Variants in EIF2A observed in about 807,000 individuals in gnomAD.
The protein encoded by EIF2A is 65 kDa eukaryotic translation initiation factor 2A.
In EIF2A, 62 loss-of-function variants were observed where a neutral mutation model predicts 75.2. The ratio of observed to expected loss-of-function variants is 0.82; its 90% confidence interval spans 0.67 to 1.02. The LOEUF (loss-of-function observed/expected upper bound fraction) is 1.02. Ranked by LOEUF, EIF2A falls within the 50% of genes least tolerant of loss-of-function variation. The pLI, the probability that EIF2A is intolerant of heterozygous loss-of-function variation, is 0.00. For synonymous variants in EIF2A, 207 were observed against 239.0 expected (o/e 0.87, Z 1.23); for missense variants, 611 against 677.7 (o/e 0.90, Z 1.09).
intron 2 of EIF2A, among the ~76,000 whole-genome samples, chr3:150,555,478 G>A (rs895664461): frequency 6.8e-5 from 10 of 147,430 alleles, no homozygotes; most frequent in South Asian, 4.4e-4. Context: ...GGCTGGTCTC[G>A]AACTTCTGAC....
chr3:150,567,703 A>T lies in EIF2A; in HGVS notation c.486A>T (p.Ala162=). 1 of 1,543,868 alleles carries T rather than the reference A, an allele frequency of 6.5e-7. No homozygotes were observed. The change falls in exon 7 of 14, where the codon GCA becomes GCT. Residue 162 remains alanine, a synonymous_variant. Coordinates refer to ENST00000460851, the MANE Select transcript of EIF2A (RefSeq NM_032025.5). Reference sequence around the variant, plus strand: ...TACTCTTTTTTTTAGACACAATTGCAAATAAATTGCATTTGCAAAAAATTA... The same window carrying T: ...TACTCTTTTTTTTAGACACAATTGCTAATAAATTGCATTTGCAAAAAATTA... ...FFENNNFNTI[A]NKLHLQKIND...
At chr3:150,562,963 G>T (rs866324433) in intron 4 of EIF2A, 1 of 204,056 alleles carries the variant, frequency 4.9e-6, no homozygotes, top group Non-Finnish European at 1.0e-5. Context: ...TGAAGATTAA[G>T]AATAATAATG....
At chr3:150,556,609 G>C (rs1169550264) in intron 2 of EIF2A, among the ~76,000 whole-genome samples, 1 of 55,000 alleles carries the variant, frequency 1.8e-5, no homozygotes, top group Non-Finnish European at 5.0e-5. Flanking sequence ...AAAGATAAAA[G>C]TGGGGAATAG....
intron 1 of EIF2A, among the ~76,000 whole-genome samples, chr3:150,548,432 G>A (rs1038237120): frequency 1.3e-5 from 2 of 152,166 alleles, no homozygotes; most frequent in African/African-American, 4.8e-5. Context: ...TAGACTGTGA[G>A]TCCTTCAATG....
At chr3:150,579,720 G>GA (rs1725065237) in intron 11 of EIF2A, among the ~76,000 whole-genome samples, 1 of 150,190 alleles carries the variant, frequency 6.7e-6, no homozygotes, top group Non-Finnish European at 1.5e-5. Context: ...AAAAAAAAGA[G>GA]AAAAATTGAC....
chr3:150,565,920 T>G (rs1256247657), intron 6 of EIF2A: 1 of 150,204 alleles, frequency 6.7e-6, no homozygotes, highest in East Asian at 2.0e-4. Context: ...CTCAGCCTCC[T>G]GAGTAGCTGA....
intron 6 of EIF2A, chr3:150,565,973 T>C (rs1724160282): frequency 6.6e-6 from 1 of 151,994 alleles, no homozygotes; most frequent in South Asian, 2.1e-4. Context: ...TTTTGTATTT[T>C]TAGTAGAGAT....
intron 2 of EIF2A, among the ~76,000 whole-genome samples, chr3:150,556,472 G>A (rs1050644590): frequency 6.6e-6 from 1 of 152,162 alleles, no homozygotes; most frequent in African/African-American, 2.4e-5. Context: ...AGTTAATTTT[G>A]TGAGATGAAG....
At chr3:150,554,277 A>G (rs997250485) in intron 2 of EIF2A, among the ~76,000 whole-genome samples, 16 of 152,012 alleles carry the variant, frequency 1.1e-4, no homozygotes, top group African/African-American at 3.6e-4. Context: ...GTCCTCACTC[A>G]TTACTTTGAA....
chr3:150,549,218 CTTTCT>C lies in EIF2A; in HGVS notation c.28+2392_28+2396del, dbSNP rs1247402147. On this transcript the variant is annotated intron_variant, in intron 1 of 13. Coordinates refer to ENST00000460851, the MANE Select transcript of EIF2A (RefSeq NM_032025.5). ...GAAATCTGTTTTTCTTTCTTTCTTTCTTTCTTTTTTTTTTTTTTTGAGATAGTTTC... is the reference window on the plus strand; with the variant it reads ...GAAATCTGTTTTTCTTTCTTTCTTTCTTTTTTTTTTTTTTGAGATAGTTTC... Among the ~76,000 whole-genome samples the C allele has an allele frequency of 6.4e-4, 64 of 100,766 alleles. 1 individual carries two copies. Among genetic ancestry groups the C allele is most frequent in the African/African-American group, 1.1e-3 (30 of 27,832 alleles). 66.1% of individuals were successfully genotyped at this position (100,766 alleles called of 152,430 possible).
chr3:150,569,259 C>T (rs1158942642), intron 9 of EIF2A, among the ~76,000 whole-genome samples: 1 of 151,980 alleles, frequency 6.6e-6, no homozygotes, highest in African/African-American at 2.4e-5. Context: ...TGAAAGATTC[C>T]ATATATAGCA....
rs1725439513 is a variant in EIF2A at position 150,585,681 on chromosome 3, T to C, written c.*1770T>C. Among the ~76,000 whole-genome samples the C allele has an allele frequency of 6.6e-6, 1 of 152,224 alleles. No homozygotes were observed. Among genetic ancestry groups the C allele is most frequent in the Admixed American group, 6.5e-5 (1 of 15,280 alleles). On this transcript the variant is annotated 3_prime_UTR_variant, in exon 14 of 14. Transcript: ENST00000460851. ...TAATGCCTAATACATAACTAATATATGGACAGGAAGTTAATAGACTGACTG... is the reference window on the plus strand; with the variant it reads ...TAATGCCTAATACATAACTAATATACGGACAGGAAGTTAATAGACTGACTG...
At chr3:150,579,438 A>G (rs1164127416) in intron 11 of EIF2A, among the ~76,000 whole-genome samples, 1 of 152,146 alleles carries the variant, frequency 6.6e-6, no homozygotes, top group Non-Finnish European at 1.5e-5. Context: ...GGCTGGATGC[A>G]GTGGCTCACA....
chr3:150,554,818 A>C (rs964285106), intron 2 of EIF2A, among the ~76,000 whole-genome samples: 1 of 152,216 alleles, frequency 6.6e-6, no homozygotes, highest in African/African-American at 2.4e-5. Flanking sequence ...GCATGGGCCC[A>C]ACCAAGACCA....
intron 9 of EIF2A, among the ~76,000 whole-genome samples, chr3:150,570,093 G>C (rs1239145939): frequency 6.6e-6 from 1 of 152,048 alleles, no homozygotes; most frequent in East Asian, 1.9e-4. Flanking sequence ...TTATACATAA[G>C]ACTGCAGAGG....
chr3:150,547,157 C>T (rs1723077320), intron 1 of EIF2A: 1 of 385,506 alleles, frequency 2.6e-6, no homozygotes, highest in Non-Finnish European at 4.9e-6. Flanking sequence ...GTTACACGGG[C>T]CCTTGTGAAG....
intron 3 of EIF2A, among the ~76,000 whole-genome samples, chr3:150,562,282 C>T (rs541073566): frequency 5.3e-5 from 8 of 151,800 alleles, no homozygotes; most frequent in Non-Finnish European, 7.4e-5. Context: ...ATTAGCCGGG[C>T]GTGGTGGCGG....
Position 150,565,128 on chromosome 3 carries a change from A to C in EIF2A, c.475+747A>C, listed in dbSNP as rs370293940. 12 of 448,440 alleles carry C rather than the reference A, an allele frequency of 2.7e-5. No homozygotes were observed. The East Asian group carries it at 4.2e-4, about 16-fold the overall frequency. 27.8% of individuals were successfully genotyped at this position (448,440 alleles called of 1,614,324 possible). Reference sequence around the variant, plus strand: ...GTCTTTCACGTTTTCCCATAGTTTGAATTTTGCTTTTGTATCCCATGGTAT... The same window carrying C: ...GTCTTTCACGTTTTCCCATAGTTTGCATTTTGCTTTTGTATCCCATGGTAT... On this transcript the variant is annotated intron_variant, in intron 6 of 13. Coordinates refer to ENST00000460851, the MANE Select transcript of EIF2A (RefSeq NM_032025.5).
rs1459954024 is a variant in EIF2A at position 150,581,699 on chromosome 3, A to G, written c.1579A>G (p.Ile527Val). 1.4e-5 allele frequency: 21 copies of G among 1,554,592 alleles called. No homozygotes were observed. Among genetic ancestry groups the G allele is most frequent in the African/African-American group, 6.8e-5 (5 of 73,164 alleles). The stretch of plus-strand genomic sequence containing the variant: ...ACCACGAAACACTGTCTCTCAGTCA[A>G]TTTCTGGGGACCCTGAGATAGACAA... Reference protein sequence around the residue: ...STPRNTVSQSISGDPEIDKKI... With the variant: ...STPRNTVSQSVSGDPEIDKKI... The change falls in exon 12 of 14, where the codon ATT (isoleucine) becomes GTT (valine). Residue 527 changes from isoleucine to valine, a missense_variant. Coordinates refer to ENST00000460851, the MANE Select transcript of EIF2A (RefSeq NM_032025.5).
Sources: gnomAD v4.1 joint callset for allele counts (sites outside exome capture counted in the v4.1 genomes callset) on GRCh38, gnomAD v4.1.1 for gene constraint, MANE v1.5 for transcripts, NCBI Gene and HGNC (gene_info 2026-07-23, HGNC 2026-07-21) for gene names.